Variants in CIITA observed in about 807,000 individuals in gnomAD.
The protein encoded by CIITA is class II major histocompatibility complex transactivator, also known as MHC class II transactivator.
Under a neutral mutation model 115.1 loss-of-function variants are expected in CIITA, and 72 were observed. That is an observed-to-expected ratio of 0.63 (90% CI 0.52 to 0.76). CIITA has a LOEUF of 0.76. Ranked by LOEUF, CIITA falls within the 30% of genes least tolerant of loss-of-function variation. CIITA has a pLI of 0.00. For missense variants in CIITA, 1,617 were observed against 1,463.8 expected (o/e 1.10, Z -1.71); for synonymous variants, 763 against 635.6 (o/e 1.20, Z -3.02).
chr16:10,883,709 A>C (rs59651835), intron 1 of CIITA, among the ~76,000 whole-genome samples: 26 of 152,312 alleles, frequency 1.7e-4, no homozygotes, highest in Admixed American at 1.5e-3. Flanking sequence ...GCCAAGTAGG[A>C]GATGGAGATT....
rs569095399 is a variant in CIITA at position 10,910,356 on chromosome 16, A to G, written c.2888+97A>G. On this transcript the variant is annotated intron_variant, in intron 13 of 19. Transcript: ENST00000324288. ...ACCTGAATGGAGATAGATCTCCAGA[A>G]TCATTCTTACCCTCTTGCCCACCAC... is the stretch of plus-strand genomic sequence containing the variant. 27 of 1,046,756 alleles carry G rather than the reference A, an allele frequency of 2.6e-5. No individual in the cohort carries two copies. The South Asian group carries it at 3.5e-4, about 14-fold the overall frequency. 64.8% of individuals were successfully genotyped at this position (1,046,756 alleles called of 1,614,324 possible).
intron 5 of CIITA, among the ~76,000 whole-genome samples, chr16:10,900,109 T>C (rs2038568047): frequency 6.6e-6 from 1 of 151,738 alleles, no homozygotes; most frequent in African/African-American, 2.4e-5. Context: ...GAATATTCAG[T>C]GAAAAAAAAA....
intron 16 of CIITA, among the ~76,000 whole-genome samples, chr16:10,919,503 C>CTT: frequency 6.7e-6 from 1 of 149,320 alleles, no homozygotes; most frequent in East Asian, 2.0e-4. Context: ...GCCCGGCCAA[C>CTT]TTATTTATTT....
chr16:10,868,703 A>G (rs1162107339), intron 1 of CIITA, among the ~76,000 whole-genome samples: 1 of 151,958 alleles, frequency 6.6e-6, no homozygotes, highest in African/African-American at 2.4e-5. Flanking sequence ...ATGTGCCTTC[A>G]CTGCCGGACA....
chr16:10,898,163 T>C (rs2038330324), intron 3 of CIITA, among the ~76,000 whole-genome samples: 1 of 152,236 alleles, frequency 6.6e-6, no homozygotes, highest in African/African-American at 2.4e-5. Flanking sequence ...CCAAGGGCTC[T>C]GAGCCATGTA....
chr16:10,877,695 C>G (rs1019399974), intron 1 of CIITA, among the ~76,000 whole-genome samples: 1 of 152,204 alleles, frequency 6.6e-6, no homozygotes, highest in African/African-American at 2.4e-5. Flanking sequence ...ACAGCAAGGT[C>G]TTCTCGCCTC....
intron 1 of CIITA, among the ~76,000 whole-genome samples, chr16:10,878,159 T>C (rs1408121819): frequency 1.3e-5 from 2 of 152,142 alleles, no homozygotes; most frequent in Non-Finnish European, 2.9e-5. Flanking sequence ...TTTATTGGCA[T>C]TGCTGTTGTT....
rs2040741682 is a variant in CIITA at position 10,930,552 on chromosome 16, T to C, written c.*6697T>C. 1 of 152,150 alleles carries C rather than the reference T, an allele frequency of 6.6e-6. No individual in the cohort carries two copies. Among genetic ancestry groups the C allele is most frequent in the South Asian group, 2.1e-4 (1 of 4,824 alleles). The allele number at this position is 152,150 out of a possible 1,614,324, so 9.4% of individuals were successfully genotyped here. A position where few individuals can be genotyped will look rare whatever the true frequency, so the allele number is the denominator to read the frequency against. ...CTGAGGTTCTTATCATTTAATAGGA[T>C]AAGAAATTGAGGTTCAGAGAAGCCA... On this transcript the variant is annotated 3_prime_UTR_variant, in exon 20 of 20. Transcript: ENST00000324288.
chr16:10,878,536 C>A (rs1036742963), intron 1 of CIITA, among the ~76,000 whole-genome samples: 49 of 152,208 alleles, frequency 3.2e-4, no homozygotes, highest in African/African-American at 1.1e-3. Context: ...CTCCCTAGGG[C>A]CAGCATCAGA....
intron 1 of CIITA, among the ~76,000 whole-genome samples, chr16:10,870,405 G>A (rs916174532): frequency 6.6e-6 from 1 of 152,182 alleles, no homozygotes; most frequent in Admixed American, 6.5e-5. Context: ...AGCAACCTGT[G>A]TGCATCCAGC....
chr16:10,877,503 T>C, intron 1 of CIITA, 121 bp downstream of exon 1: 1 of 1,043,272 alleles, frequency 9.6e-7, no homozygotes, highest in Non-Finnish European at 1.5e-6. Flanking sequence ...CAGGAGTCTG[T>C]GTCCTGCTGG....
At chr16:10,867,239 A>G (rs1209524687) in intron 1 of CIITA, among the ~76,000 whole-genome samples, 72 of 141,306 alleles carry the variant, frequency 5.1e-4, no homozygotes, top group Non-Finnish European at 6.2e-5. Context: ...GCAAGACTCC[A>G]TCTCAAAAAA....
Position 10,902,024 on chromosome 16 carries a change from C to T in CIITA, c.482-14C>T. The T allele has an allele frequency of 2.5e-6, 4 of 1,613,870 alleles. No individual in the cohort carries two copies. Among genetic ancestry groups the T allele is most frequent in the Non-Finnish European group, 3.4e-6 (4 of 1,179,990 alleles). ...CCAAGCACCCAGTCTCTAACACAGC[C>T]CACTTCCTCACAGCTGAGCCCCCCA... On this transcript the variant is annotated splice_polypyrimidine_tract_variant and intron_variant, in intron 6 of 19. Transcript: ENST00000324288.
intron 1 of CIITA, among the ~76,000 whole-genome samples, chr16:10,892,172 A>C (rs1416838280): frequency 6.6e-6 from 1 of 152,046 alleles, no homozygotes; most frequent in Non-Finnish European, 1.5e-5. Context: ...AAAAATAAAA[A>C]AATTAGCCAG....
In CIITA at chr16:10,922,435, G is replaced by A. The variant is rs757177189; in HGVS notation, c.3262G>A (p.Gly1088Arg). The A allele has an allele frequency of 3.7e-6, 6 of 1,614,210 alleles. No individual in the cohort carries two copies. Among genetic ancestry groups the A allele is most frequent in the Non-Finnish European group, 4.2e-6 (5 of 1,180,044 alleles). Residue 1088 changes from glycine (G) to arginine (R), a missense_variant, in exon 18 of 20, where the codon GGG (glycine) becomes AGG (arginine). Coordinates refer to ENST00000324288, the MANE Select transcript of CIITA (RefSeq NM_000246.4). ...CCAGTACAACAAGTTCACGGCTGCC[G>A]GGGCCCAGCAGCTCGCTGCCAGCCT... is the stretch of plus-strand genomic sequence containing the variant. ...DVQYNKFTAA[G>R]AQQLAASLRR...
In CIITA at chr16:10,901,885, A is replaced by C. The variant is rs1596531169; in HGVS notation, c.482-153A>C. 15 of 1,090,766 alleles carry C rather than the reference A, an allele frequency of 1.4e-5. No homozygotes were observed. In the East Asian group the frequency reaches 3.5e-4, roughly 26 times the overall value. The allele number at this position is 1,090,766 out of a possible 1,614,324, so 67.6% of individuals were successfully genotyped here. On this transcript the variant is annotated intron_variant, in intron 6 of 19. Coordinates refer to ENST00000324288, the MANE Select transcript of CIITA (RefSeq NM_000246.4). This position sits in a 1 kb window ranked among gnomAD's most constrained non-coding sequence, Gnocchi z 6.8. ...AGGACTGGGGGACTGCCTGGCACAG[A>C]GCAGTTGCTGATCAACACAGCTGCA...
chr16:10,873,477 C>T (rs1044862891), upstream of CIITA, among the ~76,000 whole-genome samples: 2 of 152,068 alleles, frequency 1.3e-5, no homozygotes, highest in African/African-American at 4.8e-5. Flanking sequence ...TAGCTGGAAG[C>T]GCGATGAAGG....
chr16:10,922,274 G>T (rs1232793176), intron 17 of CIITA, 24 bp downstream of exon 17: 1 of 1,612,342 alleles, frequency 6.2e-7, no homozygotes, highest in South Asian at 1.1e-5. Flanking sequence ...TCTGGGCGGT[G>T]GGTGGCTCAG....
rs552010901 is a variant in CIITA, at chr16:10,879,859, C to T, written c.52+2477C>T. On this transcript the variant is annotated intron_variant, in intron 1 of 19. Coordinates refer to ENST00000324288, the MANE Select transcript of CIITA (RefSeq NM_000246.4). This position sits in a 1 kb window ranked among gnomAD's most constrained non-coding sequence, Gnocchi z 4.3. Reference sequence around the variant, plus strand: ...CTTAGTCTGGAACTCTTAAAAGCCGCGGTCCTCCTGAGTCCCACAGCCCCT... The same window carrying T: ...CTTAGTCTGGAACTCTTAAAAGCCGTGGTCCTCCTGAGTCCCACAGCCCCT... Among the ~76,000 whole-genome samples the T allele has an allele frequency of 2.0e-5, 3 of 152,256 alleles. No individual in the cohort carries two copies. Among genetic ancestry groups the T allele is most frequent in the South Asian group, 4.1e-4 (2 of 4,828 alleles).
Sources: allele counts gnomAD v4.1 joint callset (sites outside exome capture counted in the v4.1 genomes callset), GRCh38; gene constraint gnomAD v4.1.1; non-coding constraint Gnocchi (gnomAD v3.1); transcripts MANE v1.5; gene names NCBI Gene and HGNC (gene_info 2026-07-23, HGNC 2026-07-21).